ANTXR2: variants seen among roughly 807,000 people sequenced by gnomAD.
ANTXR2 encodes ANTXR cell adhesion molecule 2, also known as anthrax toxin receptor 2.
ANTXR2 carries 44 observed loss-of-function variants against 73.7 expected under a neutral mutation model. That is an observed-to-expected ratio of 0.60 (90% CI 0.47 to 0.77). ANTXR2 has a LOEUF of 0.77. ANTXR2 is among the 30% of genes least tolerant of loss of function. The pLI is 0.00. For synonymous variants in ANTXR2, 217 were observed against 205.9 expected, an observed-to-expected ratio of 1.05 and a Z score of -0.46; for missense variants, 604 against 592.5, an observed-to-expected ratio of 1.02 and a Z score of -0.20.
intron 16 of ANTXR2, among the ~76,000 whole-genome samples, chr4:79,911,380 A>C (rs1352682135): frequency 6.6e-6 from 1 of 152,148 alleles, no homozygotes; most frequent in African/African-American, 2.4e-5. Flanking sequence ...TTTTATAACA[A>C]ATAATACGAG....
At chr4:80,026,913 A>C (rs528771886) in intron 10 of ANTXR2, among the ~76,000 whole-genome samples, 1 of 152,174 alleles carries the variant, frequency 6.6e-6, no homozygotes, top group Non-Finnish European at 1.5e-5. Flanking sequence ...TATAATACTT[A>C]GGATGAAGAG....
chr4:80,018,818 G>T, intron 11 of ANTXR2, 80 bp downstream of exon 11: 1 of 1,105,480 alleles, frequency 9.0e-7, no homozygotes, highest in Non-Finnish European at 1.3e-6. Flanking sequence ...ATTGTAGTAT[G>T]CAACAACACC....
intron 16 of ANTXR2, among the ~76,000 whole-genome samples, chr4:79,926,969 G>GTATATATACACATGTGCATATATGTGTA (rs1553925975): frequency 0.12 from 9,267 of 77,842 alleles, 522 homozygotes; most frequent in Middle Eastern, 0.18. Flanking sequence ...GCATATATGT[G>GTATATATACACATGTGCATATATGTGTA]TATATATACG....
chr4:80,023,007 A>G (rs1036317562), intron 10 of ANTXR2, among the ~76,000 whole-genome samples: 5 of 152,206 alleles, frequency 3.3e-5, no homozygotes, highest in Non-Finnish European at 5.9e-5. Context: ...ATTACCGTTA[A>G]CACCTGAATA....
At chr4:80,053,571 T>C (rs1315030307) in intron 7 of ANTXR2, among the ~76,000 whole-genome samples, 1 of 151,700 alleles carries the variant, frequency 6.6e-6, no homozygotes, top group African/African-American at 2.4e-5. Context: ...TTCACTTCCA[T>C]TTTAGGATGG....
intron 16 of ANTXR2, among the ~76,000 whole-genome samples, chr4:79,974,674 T>A (rs1477175052): frequency 1.3e-5 from 2 of 151,788 alleles, no homozygotes; most frequent in Admixed American, 1.3e-4. Context: ...TTATATCATA[T>A]TCCTAAAATC....
chr4:79,986,674 C>T (rs929544512), intron 12 of ANTXR2, among the ~76,000 whole-genome samples: 1 of 152,120 alleles, frequency 6.6e-6, no homozygotes. Flanking sequence ...TCTCTGGTGG[C>T]CCCCTACTTC....
chr4:79,945,477 T>G (rs534558683), intron 16 of ANTXR2, among the ~76,000 whole-genome samples: 1 of 152,134 alleles, frequency 6.6e-6, no homozygotes, highest in Non-Finnish European at 1.5e-5. Context: ...ATCTTTTAAG[T>G]GTTTCACAGG....
intron 7 of ANTXR2, among the ~76,000 whole-genome samples, chr4:80,050,301 T>G (rs1578185706): frequency 6.6e-6 from 1 of 151,720 alleles, no homozygotes; most frequent in East Asian, 1.9e-4. Flanking sequence ...CTTGACTTTG[T>G]GTGCTACACT....
chr4:80,020,866 A>C (rs1022148403), intron 10 of ANTXR2, among the ~76,000 whole-genome samples: 1 of 152,224 alleles, frequency 6.6e-6, no homozygotes, highest in Non-Finnish European at 1.5e-5. Context: ...TTGTTTAAAA[A>C]GATGGTTTAG....
chr4:80,062,299 A>G (rs981211600), intron 3 of ANTXR2, among the ~76,000 whole-genome samples: 2 of 152,126 alleles, frequency 1.3e-5, no homozygotes, highest in Non-Finnish European at 1.5e-5. Context: ...TACTCAATTC[A>G]CACCTGAAGT....
At chr4:79,960,810 ATTAC>A (rs1335453684) in intron 16 of ANTXR2, among the ~76,000 whole-genome samples, 1 of 151,958 alleles carries the variant, frequency 6.6e-6, no homozygotes, top group Non-Finnish European at 1.5e-5. Flanking sequence ...TTTTAAAGAA[ATTAC>A]TTAGTATAAT....
intron 3 of ANTXR2, among the ~76,000 whole-genome samples, chr4:80,057,750 T>A (rs999318905): frequency 6.6e-6 from 1 of 152,036 alleles, no homozygotes; most frequent in East Asian, 1.9e-4. Flanking sequence ...ATAATTTAAC[T>A]AATTTAATTT....
At chr4:79,994,623 C>A (rs1293744945) in intron 12 of ANTXR2, among the ~76,000 whole-genome samples, 1 of 151,730 alleles carries the variant, frequency 6.6e-6, no homozygotes, top group Non-Finnish European at 1.5e-5. Context: ...AATTATTCAA[C>A]ATCTCTCTCC....
chr4:79,960,360 G>C (rs570936396), intron 16 of ANTXR2, among the ~76,000 whole-genome samples: 16 of 152,232 alleles, frequency 1.1e-4, no homozygotes, highest in Non-Finnish European at 2.1e-4. Flanking sequence ...TGCTTACTAA[G>C]AAGCATTATG....
chr4:80,043,022 A>G (rs913707614), intron 7 of ANTXR2, among the ~76,000 whole-genome samples: 2 of 152,026 alleles, frequency 1.3e-5, no homozygotes, highest in African/African-American at 4.8e-5. Flanking sequence ...ACTTGTGCTG[A>G]TAGTCTGCTA....
intron 11 of ANTXR2, among the ~76,000 whole-genome samples, chr4:80,013,595 C>T (rs1008328606): frequency 6.6e-6 from 1 of 152,252 alleles, no homozygotes; most frequent in African/African-American, 2.4e-5. Context: ...AGCAATATCG[C>T]TAACTGCATT....
chr4:80,006,146 C>T (rs1233667095), intron 12 of ANTXR2, among the ~76,000 whole-genome samples: 1 of 152,070 alleles, frequency 6.6e-6, no homozygotes, highest in African/African-American at 2.4e-5. Flanking sequence ...GCAAACCCTT[C>T]CTCCTTTATG....
chr4:80,049,744 CCT>C (rs907369234), intron 7 of ANTXR2, among the ~76,000 whole-genome samples: 2 of 151,754 alleles, frequency 1.3e-5, no homozygotes, highest in Admixed American at 6.6e-5. Flanking sequence ...ACTTTTGACT[CCT>C]CTCTCTGTCT....
Sources: gnomAD v4.1 joint callset for allele counts (sites outside exome capture counted in the v4.1 genomes callset) on GRCh38, gnomAD v4.1.1 for gene constraint, MANE v1.5 for transcripts, NCBI Gene and HGNC (gene_info 2026-07-23, HGNC 2026-07-21) for gene names.